Variants in CCDC14 observed in about 807,000 individuals in gnomAD.
CCDC14 encodes coiled-coil domain containing 14.
Under a neutral mutation model 81.4 loss-of-function variants are expected in CCDC14, and 71 were observed. The ratio of observed to expected loss-of-function variants is 0.87; its 90% CI spans 0.72 to 1.06. The LOEUF (loss-of-function observed/expected upper bound fraction) is 1.06. Ranked by LOEUF, CCDC14 falls within the 50% of genes least tolerant of loss-of-function variation. The pLI is 0.00. For synonymous variants in CCDC14, 332 were observed against 364.8 expected (o/e 0.91, Z 1.03); for missense variants, 1,046 against 1,047.3 (o/e 1.00, Z 0.02).
intron 5 of CCDC14, among the ~76,000 whole-genome samples, chr3:123,901,420 G>A (rs559997808): frequency 6.6e-6 from 1 of 151,680 alleles, no homozygotes; most frequent in Admixed American, 6.6e-5. Context: ...TTACAGAGTG[G>A]TAGTTCAATG....
chr3:123,906,544 A>G (rs1275758695), intron 5 of CCDC14, among the ~76,000 whole-genome samples: 2 of 152,090 alleles, frequency 1.3e-5, no homozygotes, highest in Non-Finnish European at 2.9e-5. Flanking sequence ...GAAGTTTTCC[A>G]GAATTAGAAA....
At chr3:123,961,028 A>C in intron 1 of CCDC14, 116 bp downstream of exon 1, 1 of 911,178 alleles carries the variant, frequency 1.1e-6, no homozygotes, top group East Asian at 2.7e-5. Flanking sequence ...CCAGCACTTT[A>C]ATGTCGCCGC....
chr3:123,913,374 T>C, downstream of CCDC14: 1 of 984,100 alleles, frequency 1.0e-6, no homozygotes, highest in South Asian at 4.7e-5. Context: ...GATTTTACTT[T>C]TGCATATGAA....
downstream of CCDC14, among the ~76,000 whole-genome samples, chr3:123,909,298 G>A (rs191611967): frequency 9.9e-5 from 15 of 152,284 alleles, no homozygotes; most frequent in Non-Finnish European, 1.9e-4. Flanking sequence ...AAGGGACTGA[G>A]TTTTCCTCTT....
At chr3:123,961,034 G>T in intron 1 of CCDC14, 110 bp downstream of exon 1, 2 of 964,494 alleles carry the variant, frequency 2.1e-6, no homozygotes, top group Non-Finnish European at 3.0e-6. Flanking sequence ...CTTTAATGTC[G>T]CCGCATTGTC....
At chr3:123,900,164 G>A (rs1478495960) in intron 5 of CCDC14, among the ~76,000 whole-genome samples, 1 of 152,124 alleles carries the variant, frequency 6.6e-6, no homozygotes, top group Non-Finnish European at 1.5e-5. Context: ...GAAATAAAAA[G>A]CTATTAATTG....
chr3:123,946,680 C>G (rs747988626), intron 8 of CCDC14, 123 bp downstream of exon 8: 4 of 962,340 alleles, frequency 4.2e-6, no homozygotes, highest in Non-Finnish European at 6.2e-6. Context: ...AACTCATTTT[C>G]TTATTAGCTC....
At chr3:123,958,072 T>A (rs1266316109) in intron 1 of CCDC14, 1 of 152,114 alleles carries the variant, frequency 6.6e-6, no homozygotes, top group Non-Finnish European at 1.5e-5. Context: ...CGTCTTGAGA[T>A]AACTTGGATT....
chr3:123,921,840 C>T (rs1159373677), intron 12 of CCDC14, among the ~76,000 whole-genome samples: 1 of 152,176 alleles, frequency 6.6e-6, no homozygotes, highest in Non-Finnish European at 1.5e-5. Flanking sequence ...GCATGTGGCT[C>T]AGGGGCCATC....
At chr3:123,894,823 T>A (rs1191587273), downstream of CCDC14, among the ~76,000 whole-genome samples, 1 of 152,238 alleles carries the variant, frequency 6.6e-6, no homozygotes, top group Non-Finnish European at 1.5e-5. Flanking sequence ...TACATTTTAT[T>A]CCACTTCTAA....
At chr3:123,945,646 C>T (rs1173082705) in intron 8 of CCDC14, among the ~76,000 whole-genome samples, 1 of 151,998 alleles carries the variant, frequency 6.6e-6, no homozygotes, top group African/African-American at 2.4e-5. Context: ...CCCCTCATTC[C>T]CATTCATATT....
intron 1 of CCDC14, chr3:123,958,922 A>T (rs1475675649): frequency 2.0e-5 from 3 of 152,114 alleles, no homozygotes; most frequent in Admixed American, 2.0e-4. Flanking sequence ...AGCTTATTTC[A>T]CTTAGCATAA....
At chr3:123,893,419 A>G (rs969376816), downstream of CCDC14, among the ~76,000 whole-genome samples, 5 of 152,168 alleles carry the variant, frequency 3.3e-5, no homozygotes, top group African/African-American at 1.2e-4. Context: ...TCATTTTTTT[A>G]TAGCTGAGTA....
At chr3:123,949,321 G>A (rs1392648852) in intron 5 of CCDC14, 189 bp from the exon 6 acceptor site, 1 of 565,148 alleles carries the variant, frequency 1.8e-6, no homozygotes, top group Non-Finnish European at 3.1e-6. Flanking sequence ...TAGTGTTTAA[G>A]TTTCCCCAGT....
chr3:123,891,245 C>T, the CCDC14 span, among the ~76,000 whole-genome samples: 8 of 152,330 alleles, frequency 5.3e-5, no homozygotes, highest in East Asian at 5.8e-4. Flanking sequence ...CTGACATGGC[C>T]TGGAGACATT....
chr3:123,930,323 A>C (rs1464666536), intron 12 of CCDC14, among the ~76,000 whole-genome samples: 1 of 152,216 alleles, frequency 6.6e-6, no homozygotes, highest in Non-Finnish European at 1.5e-5. Context: ...TGGAAACACA[A>C]GGAAGATTAT....
In CCDC14 at chr3:123,926,723, G is replaced by A. The variant is rs112465977; in HGVS notation, c.1778+4379C>T. ...AGGTTGGAGAAGGAAAAGAAAGAGG[G>A]TTTGTGGTATTTCTTTAGACCTTGT... On this transcript the variant is annotated intron_variant, in intron 12 of 12. Transcript: ENST00000409697. Among the ~76,000 whole-genome samples, 939 of 152,062 alleles carry A rather than the reference G, an allele frequency of 6.2e-3. 14 individuals are homozygous for A. Among genetic ancestry groups the A allele is most frequent in the African/African-American group, 0.021 (884 of 41,504 alleles).
At position 123,915,189 on chromosome 3, in the gene CCDC14, C is replaced by G. The variant is rs371057453; in HGVS notation, c.2308G>C (p.Val770Leu). The G allele has an allele frequency of 2.5e-6, 4 of 1,613,596 alleles. No individual in the cohort carries two copies. Among genetic ancestry groups the G allele is most frequent in the African/African-American group, 1.3e-5 (1 of 74,914 alleles). ...TQLVSNSGLA[V>L]SGKENKLCTP... is the part of the protein sequence containing the mutation. ...CACAGTTTATTTTCTTTTCCAGAGA[C>G]AGCAAGTCCGCTGTTGCTGACTAGC... Residue 770 changes from valine to leucine, a missense_variant, in exon 13 of 13, where the codon GTC becomes CTC. By Grantham distance (32) the Val-to-Leu change is conservative. Coordinates refer to ENST00000409697, the MANE Select transcript of CCDC14 (RefSeq NM_001366335.1).
intron 5 of CCDC14, among the ~76,000 whole-genome samples, chr3:123,903,741 A>G (rs1378329477): frequency 6.6e-6 from 1 of 152,154 alleles, no homozygotes; most frequent in South Asian, 2.1e-4. Context: ...AGGACTTTAG[A>G]TTGTGATTTA....
Sources: allele counts gnomAD v4.1 joint callset (sites outside exome capture counted in the v4.1 genomes callset), GRCh38; gene constraint gnomAD v4.1.1; transcripts MANE v1.5; gene names NCBI Gene and HGNC (gene_info 2026-07-23, HGNC 2026-07-21).